The following MTMR7 variants were observed in gnomAD, a reference collection of about 807,000 sequenced individuals.
The protein encoded by MTMR7 is myotubularin related protein 7, also known as phosphatidylinositol-3-phosphate phosphatase MTMR7.
A neutral mutation model predicts 81.2 loss-of-function variants in MTMR7; 76 were observed. The observed-to-expected ratio is 0.94, with a 90% CI of 0.78 to 1.13. The LOEUF (loss-of-function observed/expected upper bound fraction) is 1.13, where lower values mean the gene tolerates loss of function less well. Among genes scored for constraint, MTMR7 ranks in the 50% most tolerant of loss-of-function variants. The pLI, the probability that MTMR7 is intolerant of heterozygous loss-of-function variation, is 0.00. For synonymous variants in MTMR7, 372 were observed against 289.8 expected (o/e 1.28, Z -2.88); for missense variants, 1,044 against 820.0 (o/e 1.27, Z -3.34).
chr8:17,357,380 A>G (rs1315577284), intron 4 of MTMR7, among the ~76,000 whole-genome samples: 1 of 152,236 alleles, frequency 6.6e-6, no homozygotes, highest in East Asian at 1.9e-4. Flanking sequence ...AAATGTTACC[A>G]TGTTGAGTGA....
chr8:17,340,026 A>G (rs1432467845), intron 6 of MTMR7, among the ~76,000 whole-genome samples: 2 of 152,180 alleles, frequency 1.3e-5, no homozygotes, highest in Admixed American at 1.3e-4. Context: ...ATCTCGGCTC[A>G]CCGCAACCTC....
Position 17,311,650 on chromosome 8 carries a change from G to C in MTMR7, c.976-14C>G. On this transcript the variant is annotated splice_polypyrimidine_tract_variant and intron_variant, in intron 8 of 13. Coordinates refer to ENST00000180173, the MANE Select transcript of MTMR7 (RefSeq NM_004686.5). ...CTCTGACACTGCCTAGAAAACACAC[G>C]ATCCGCAAAGAGTCACAAAGAATGG... The C allele has an allele frequency of 6.2e-7, 1 of 1,613,782 alleles. No individual in the cohort carries two copies. Among genetic ancestry groups the C allele is most frequent in the East Asian group, 2.2e-5 (1 of 44,858 alleles).
At chr8:17,367,330 T>C (rs192554645) in intron 3 of MTMR7, among the ~76,000 whole-genome samples, 23 of 152,158 alleles carry the variant, frequency 1.5e-4, no homozygotes, top group African/African-American at 5.3e-4. Flanking sequence ...AGATAATTGA[T>C]ACAAAAATAA....
intron 1 of MTMR7, among the ~76,000 whole-genome samples, chr8:17,399,507 C>T (rs1035326200): frequency 6.6e-6 from 1 of 152,110 alleles, no homozygotes; most frequent in South Asian, 2.1e-4. Context: ...AAGATATTCC[C>T]TGTTCAAGGA....
Position 17,341,273 on chromosome 8 carries a change from C to T in MTMR7, c.732+90G>A, listed in dbSNP as rs191069099. On this transcript the variant is annotated intron_variant, in intron 6 of 13. Transcript: ENST00000180173. Reference sequence around the variant, plus strand: ...ACCGCCCCTTTGCAGATGAAGCAACCTGCACAAGAGATGGCAGTCGGCTAG... The same window carrying T: ...ACCGCCCCTTTGCAGATGAAGCAACTTGCACAAGAGATGGCAGTCGGCTAG... 9.1e-4 allele frequency: 1,399 copies of T among 1,540,780 alleles called. 5 individuals carry two copies. The Middle Eastern group carries it at 0.013, about 15-fold the overall frequency.
At chr8:17,326,957 T>A (rs1818713767) in intron 7 of MTMR7, among the ~76,000 whole-genome samples, 1 of 152,236 alleles carries the variant, frequency 6.6e-6, no homozygotes, top group Admixed American at 6.5e-5. Context: ...GGGAATAACA[T>A]CAGTCTTATC....
intron 5 of MTMR7, among the ~76,000 whole-genome samples, chr8:17,345,203 A>G (rs1445545490): frequency 1.3e-5 from 2 of 152,212 alleles, no homozygotes; most frequent in South Asian, 2.1e-4. Flanking sequence ...GAGGGCCTCA[A>G]ATGGCCTCAC....
chr8:17,316,462 A>G (rs918225762), intron 7 of MTMR7, among the ~76,000 whole-genome samples: 14 of 102,384 alleles, frequency 1.4e-4, no homozygotes, highest in African/African-American at 6.9e-4. Context: ...CAAACAGTAC[A>G]GTAAAAAAAA....
chr8:17,358,965 C>A (rs1170217979), intron 4 of MTMR7, among the ~76,000 whole-genome samples: 1 of 152,164 alleles, frequency 6.6e-6, no homozygotes, highest in East Asian at 1.9e-4. Context: ...GCGATCATGG[C>A]TCACTGCTGC....
intron 1 of MTMR7, among the ~76,000 whole-genome samples, chr8:17,388,303 T>C (rs1258532935): frequency 1.3e-5 from 2 of 151,840 alleles, no homozygotes; most frequent in East Asian, 3.9e-4. Flanking sequence ...TCAACAAGCA[T>C]AAAGAAGAGG....
intron 1 of MTMR7, among the ~76,000 whole-genome samples, chr8:17,409,259 G>C (rs1281245239): frequency 6.6e-6 from 1 of 152,110 alleles, no homozygotes; most frequent in African/African-American, 2.4e-5. Flanking sequence ...AGGAGTTCAA[G>C]ACCAGTCTGG....
At chr8:17,328,019 A>G (rs1348931449) in intron 7 of MTMR7, among the ~76,000 whole-genome samples, 1 of 152,238 alleles carries the variant, frequency 6.6e-6, no homozygotes, top group Admixed American at 6.5e-5. Flanking sequence ...TAGTTTAATG[A>G]ATACATTGAT....
At position 17,299,766 on chromosome 8, in the gene MTMR7, T is replaced by A. The variant is rs564217230; in HGVS notation, c.*96A>T. 69 of 1,513,198 alleles carry A rather than the reference T, an allele frequency of 4.6e-5. No homozygotes were observed. The Admixed American group carries it at 8.8e-4, about 19-fold the overall frequency. The allele number at this position is 1,513,198 out of a possible 1,614,324, so 93.7% of individuals were successfully genotyped here. On this transcript the variant is annotated 3_prime_UTR_variant, in exon 14 of 14. Coordinates refer to ENST00000180173, the MANE Select transcript of MTMR7 (RefSeq NM_004686.5). ...TGCATTAAAGTAGTTCTCAATGACA[T>A]GCACCATTTCCTGTTTTTACAATAA...
At chr8:17,328,379 C>A (rs1818805496) in intron 7 of MTMR7, among the ~76,000 whole-genome samples, 2 of 152,142 alleles carry the variant, frequency 1.3e-5, no homozygotes, top group South Asian at 4.1e-4. Flanking sequence ...AATAGGCTGG[C>A]CTTGAAAGGG....
intron 4 of MTMR7, among the ~76,000 whole-genome samples, chr8:17,355,499 TA>T (rs1176126871): frequency 6.6e-6 from 1 of 151,738 alleles, no homozygotes; most frequent in Non-Finnish European, 1.5e-5. Flanking sequence ...TCATAACTGG[TA>T]AAAATATAAT....
rs1397053243 is a variant in MTMR7, at chr8:17,337,526, C to G, written c.732+3837G>C. On this transcript the variant is annotated intron_variant, in intron 6 of 13. Coordinates refer to ENST00000180173, the MANE Select transcript of MTMR7 (RefSeq NM_004686.5). ...TCATATGTTCTTAAAGCGCCACACC[C>G]TAGCACTAATACGTGCCCTGAAGAG... is the stretch of plus-strand genomic sequence containing the variant. 2.0e-5 allele frequency among the ~76,000 whole-genome samples: 3 copies of G among 152,184 alleles called. No individual in the cohort carries two copies. In the East Asian group the frequency reaches 5.8e-4, roughly 29 times the overall value.
At chr8:17,361,858 T>C (rs1563358097) in intron 3 of MTMR7, among the ~76,000 whole-genome samples, 1 of 152,090 alleles carries the variant, frequency 6.6e-6, no homozygotes, top group African/African-American at 2.4e-5. Context: ...ATAAGATTCA[T>C]AAAAAAAATC....
At chr8:17,324,641 G>A (rs186323960) in intron 7 of MTMR7, among the ~76,000 whole-genome samples, 259 of 152,278 alleles carry the variant, frequency 1.7e-3, no homozygotes, top group African/African-American at 5.7e-3. Flanking sequence ...TGACCATGTC[G>A]ATAGCCAGTG....
In MTMR7 at chr8:17,337,904, T is replaced by C. The variant is rs532454172; in HGVS notation, c.732+3459A>G. Among the ~76,000 whole-genome samples, 19 of 152,254 alleles carry C rather than the reference T, an allele frequency of 1.2e-4. 1 individual carries two copies. The highest frequency in any genetic ancestry group is 4.1e-4 in the African/African-American group (17 of 41,572). ...GAACAGGCAGCTCTGGAAGTTCTCA[T>C]GTGGGGCTAGCCTTGCTCAAAGGCC... is the stretch of plus-strand genomic sequence containing the variant. On this transcript the variant is annotated intron_variant, in intron 6 of 13. Coordinates refer to ENST00000180173, the MANE Select transcript of MTMR7 (RefSeq NM_004686.5).
Sources: allele counts gnomAD v4.1 joint callset (sites outside exome capture counted in the v4.1 genomes callset), GRCh38; gene constraint gnomAD v4.1.1; transcripts MANE v1.5; gene names NCBI Gene and HGNC (gene_info 2026-07-23, HGNC 2026-07-21).